Variants in APOOL observed in about 807,000 individuals in gnomAD.
The protein encoded by APOOL is apolipoprotein O like, also known as MICOS complex subunit MIC27.
A neutral mutation model predicts 23.1 loss-of-function variants in APOOL; 12 were observed. The ratio of observed to expected loss-of-function variants is 0.52; its 90% CI spans 0.33 to 0.84. The LOEUF (loss-of-function observed/expected upper bound fraction) is 0.84. Ranked by LOEUF, APOOL falls within the 40% of genes least tolerant of loss-of-function variation. The pLI, the probability that APOOL is intolerant of heterozygous loss-of-function variation, is 0.02. For synonymous variants in APOOL, 77 were observed against 69.9 expected (o/e 1.10, Z -0.51); for missense variants, 212 against 199.6 (o/e 1.06, Z -0.37).
chrX:85,046,432 T>C lies in APOOL; in HGVS notation c.16-14T>C. On this transcript the variant is annotated splice_polypyrimidine_tract_variant and intron_variant, in intron 1 of 8. Coordinates refer to ENST00000373173, the MANE Select transcript of APOOL (RefSeq NM_198450.6). ...TTTTCAACTAAAAAGATGTTTTTGA[T>C]ATATCTTTCTTAGATGGGAAAACTG... 8.5e-7 allele frequency: 1 copy of C among 1,169,981 alleles called. No homozygotes were observed. Among genetic ancestry groups the C allele is most frequent in the Non-Finnish European group, 1.2e-6 (1 of 866,448 alleles).
chrX:85,066,324 A>G (rs773463917), intron 5 of APOOL, among the ~76,000 whole-genome samples: 1 of 111,615 alleles, frequency 9.0e-6, no homozygotes, highest in African/African-American at 3.3e-5. Flanking sequence ...ATTTCAAACT[A>G]TTCTGTAGAA....
intron 2 of APOOL, 81 bp downstream of exon 2, chrX:85,046,631 C>T (rs1194277223): frequency 4.9e-6 from 4 of 814,640 alleles, no homozygotes; most frequent in Non-Finnish European, 7.0e-6. Flanking sequence ...TTATCTTTGC[C>T]CATCAAAAAT....
At chrX:85,062,218 G>GT (rs112444877) in intron 5 of APOOL, among the ~76,000 whole-genome samples, 1,123 of 110,605 alleles carry the variant, frequency 0.01, 9 homozygotes, top group African/African-American at 0.034. Context: ...GGGGTTCTTA[G>GT]TTTTTTTTCT....
chrX:85,027,777 A>G (rs1921893505), intron 1 of APOOL, among the ~76,000 whole-genome samples: 1 of 112,284 alleles, frequency 8.9e-6, no homozygotes, highest in South Asian at 3.7e-4. Flanking sequence ...TGTTGAATAA[A>G]TGCATATCAA....
intron 7 of APOOL, 59 bp from the exon 8 acceptor site, chrX:85,074,215 T>C (rs781407297): frequency 1.7e-6 from 2 of 1,186,774 alleles, no homozygotes; most frequent in African/African-American, 3.5e-5. Flanking sequence ...AATGAGAAAG[T>C]AGATGAAGGA....
intron 1 of APOOL, among the ~76,000 whole-genome samples, chrX:85,021,620 C>T (rs1381797380): frequency 9.0e-6 from 1 of 111,217 alleles, no homozygotes; most frequent in African/African-American, 3.3e-5. Context: ...TCTCTCAGCA[C>T]CAGGCCAGTT....
rs921295412 is a variant in APOOL at position 85,087,720 on chromosome X, T to C, written c.*42T>C. 4 of 1,048,266 alleles carry C rather than the reference T, an allele frequency of 3.8e-6. No homozygotes were observed. Among genetic ancestry groups the C allele is most frequent in the Non-Finnish European group, 5.1e-6 (4 of 778,922 alleles). The allele number at this position is 1,048,266 out of a possible 1,213,427, so 86.4% of individuals were successfully genotyped here. On this transcript the variant is annotated 3_prime_UTR_variant, in exon 9 of 9. Coordinates refer to ENST00000373173, the MANE Select transcript of APOOL (RefSeq NM_198450.6). ...AGACTACACAGAAAACTACAAGATG[T>C]GTGGCGTTGCAAATAATGATGAAAA...
chrX:85,053,511 T>A (rs1177655769), intron 3 of APOOL, among the ~76,000 whole-genome samples: 1 of 111,641 alleles, frequency 9.0e-6, no homozygotes, highest in African/African-American at 3.2e-5. Flanking sequence ...TTTGAAAGTC[T>A]CTTTTGTTCT....
chrX:85,069,542 G>A (rs752818122), intron 6 of APOOL, among the ~76,000 whole-genome samples: 33 of 103,572 alleles, frequency 3.2e-4, no homozygotes, highest in Non-Finnish European at 5.1e-4. Context: ...CCCAGGTGGC[G>A]GAGATTGCAG....
At position 85,091,580 on chromosome X, in the gene APOOL, A is replaced by G. The variant is rs1924518009; in HGVS notation, c.*3902A>G. 8.9e-6 allele frequency: 1 copy of G among 112,030 alleles called. No homozygotes were observed. Among genetic ancestry groups the G allele is most frequent in the African/African-American group, 3.2e-5 (1 of 30,825 alleles). 9.2% of individuals were successfully genotyped at this position (112,030 alleles called of 1,213,427 possible). ...TATGCTGGTTGCAGCACAGGACACA[A>G]AAGTTAGAATTATTTCAAAGGACTT... On this transcript the variant is annotated 3_prime_UTR_variant, in exon 9 of 9. Transcript: ENST00000373173.
chrX:85,024,486 G>A (rs1027726493), intron 1 of APOOL, among the ~76,000 whole-genome samples: 1 of 112,302 alleles, frequency 8.9e-6, no homozygotes, highest in Non-Finnish European at 1.9e-5. Context: ...ACAATCCGGA[G>A]CATAAATTGC....
intron 1 of APOOL, among the ~76,000 whole-genome samples, chrX:85,014,128 A>G (rs184594644): frequency 6.6e-4 from 74 of 111,685 alleles, no homozygotes; most frequent in African/African-American, 2.3e-3. Flanking sequence ...TTTGTCTGAT[A>G]TAAGAGTAGC....
chrX:85,020,584 C>A, intron 1 of APOOL, among the ~76,000 whole-genome samples: 1 of 111,446 alleles, frequency 9.0e-6, no homozygotes, highest in African/African-American at 3.3e-5. Context: ...ACTTATGCAG[C>A]AGACTTGGTC....
chrX:85,017,763 T>C (rs769868208), intron 1 of APOOL, among the ~76,000 whole-genome samples: 3 of 111,534 alleles, frequency 2.7e-5, no homozygotes, highest in Non-Finnish European at 5.6e-5. Context: ...CTGAAATCTA[T>C]TCCAGCTCTA....
At chrX:85,085,388 C>A (rs966947195) in intron 8 of APOOL, among the ~76,000 whole-genome samples, 2 of 111,252 alleles carry the variant, frequency 1.8e-5, no homozygotes, top group Non-Finnish European at 1.9e-5. Context: ...ATAACATACC[C>A]CCAGAGACAC....
At position 85,044,413 on chromosome X, in the gene APOOL, CTGGGATTACAGGCA is replaced by C. The variant is rs775969185; in HGVS notation, c.16-2030_16-2017del. The stretch of plus-strand genomic sequence containing the variant: ...TCTCCTGCCTCAGCCTCTCAAGTAG[CTGGGATTACAGGCA>C]TGCACCACCACACTCAGCTAATTTT... On this transcript the variant is annotated intron_variant, in intron 1 of 8. Coordinates refer to ENST00000373173, the MANE Select transcript of APOOL (RefSeq NM_198450.6). 2.7e-5 allele frequency among the ~76,000 whole-genome samples: 3 copies of C among 110,623 alleles called. No homozygotes were observed. In the East Asian group the frequency reaches 8.5e-4, roughly 31 times the overall value.
At chrX:85,080,343 T>TA (rs1475546971) in intron 8 of APOOL, 1 of 112,117 alleles carries the variant, frequency 8.9e-6, no homozygotes, top group East Asian at 2.8e-4. Context: ...TTCATTTCGT[T>TA]ATGTACCCAG....
chrX:85,032,262 C>G (rs1197221796), intron 1 of APOOL, among the ~76,000 whole-genome samples: 1 of 112,115 alleles, frequency 8.9e-6, no homozygotes, highest in East Asian at 2.8e-4. Context: ...TGCCTGTAAT[C>G]CCAGCACTTT....
intron 6 of APOOL, among the ~76,000 whole-genome samples, chrX:85,072,750 G>A (rs1200382927): frequency 1.8e-5 from 2 of 111,494 alleles, no homozygotes; most frequent in Non-Finnish European, 3.8e-5. Context: ...CCGTGCCTTT[G>A]AAATACTGTC....
Sources: gnomAD v4.1 joint callset for allele counts (sites outside exome capture counted in the v4.1 genomes callset) on GRCh38, gnomAD v4.1.1 for gene constraint, MANE v1.5 for transcripts, NCBI Gene and HGNC (gene_info 2026-07-23, HGNC 2026-07-21) for gene names.